OR7A17: variants seen among roughly 807,000 people sequenced by gnomAD.
OR7A17 encodes olfactory receptor 7A17.
For missense variants in OR7A17, 366 were observed against 365.5 expected, an observed-to-expected ratio of 1.00 and a Z score of -0.01; for synonymous variants, 159 against 142.1, an observed-to-expected ratio of 1.12 and a Z score of -0.85.
Position 14,881,483 on chromosome 19 carries a change from C to G in OR7A17, c.-128G>C. 1 of 548,342 alleles carries G rather than the reference C, an allele frequency of 1.8e-6. No individual in the cohort carries two copies. Among genetic ancestry groups the G allele is most frequent in the Non-Finnish European group, 2.7e-6 (1 of 367,242 alleles). The allele number at this position is 548,342 out of a possible 1,614,324, so 34.0% of individuals were successfully genotyped here. On this transcript the variant is annotated 5_prime_UTR_variant, in exon 3 of 3. Transcript: ENST00000641113. ...GACTCATGCGATCCTCCCACTTCAG[C>G]CTACAAAAGTGCTGAGATTATAGGC...
intron 2 of OR7A17, 60 bp from the exon 3 acceptor site, chr19:14,881,611 C>T (rs1486143638): frequency 1.0e-5 from 2 of 199,396 alleles, no homozygotes; most frequent in East Asian, 9.5e-5. Context: ...ATCAGAAATT[C>T]TCTCATTTAT....
intron 1 of OR7A17, among the ~76,000 whole-genome samples, chr19:14,885,321 G>C (rs1249464946): frequency 3.9e-5 from 6 of 152,188 alleles, no homozygotes; most frequent in African/African-American, 1.4e-4. Context: ...CAAATACAAA[G>C]AGAGGAAGTC....
Position 14,881,470 on chromosome 19 carries a change from C to A in OR7A17, c.-115G>T, listed in dbSNP as rs959703494. On this transcript the variant is annotated 5_prime_UTR_variant, in exon 3 of 3. Transcript: ENST00000641113. ...TCTGAACCTCCTGGACTCATGCGAT[C>A]CTCCCACTTCAGCCTACAAAAGTGC... 1 of 619,838 alleles carries A rather than the reference C, an allele frequency of 1.6e-6. No homozygotes were observed. 38.4% of individuals were successfully genotyped at this position (619,838 alleles called of 1,614,324 possible).
At chr19:14,884,939 G>A (rs573591595) in intron 1 of OR7A17, among the ~76,000 whole-genome samples, 2 of 152,116 alleles carry the variant, frequency 1.3e-5, no homozygotes, top group African/African-American at 4.8e-5. Flanking sequence ...TCATCAAGTC[G>A]GCTTCATCCC....
At chr19:14,885,649 C>G (rs768094070) in intron 1 of OR7A17, among the ~76,000 whole-genome samples, 9 of 152,244 alleles carry the variant, frequency 5.9e-5, no homozygotes, top group Non-Finnish European at 1.0e-4. Flanking sequence ...GAAAAACATT[C>G]CATGCTCATG....
chr19:14,882,337 G>A (rs1219728580), intron 1 of OR7A17, among the ~76,000 whole-genome samples: 5 of 152,186 alleles, frequency 3.3e-5, no homozygotes, highest in East Asian at 1.9e-4. Context: ...CTTTTAATAG[G>A]TGTACAGACA....
chr19:14,878,679 A>G lies in OR7A17; in HGVS notation c.*1747T>C, dbSNP rs1276501819. ...CAAATCTCCCAATGCAATTCAATGT[A>G]TGACTGATTTTTTTTTTTGAGATGG... On this transcript the variant is annotated 3_prime_UTR_variant, in exon 3 of 3. Coordinates refer to ENST00000641113, the MANE Select transcript of OR7A17 (RefSeq NM_030901.2). 2.0e-5 allele frequency: 3 copies of G among 151,628 alleles called. No individual in the cohort carries two copies. Among genetic ancestry groups the G allele is most frequent in the Non-Finnish European group, 4.4e-5 (3 of 68,070 alleles). The allele number at this position is 151,628 out of a possible 1,614,324, so 9.4% of individuals were successfully genotyped here. A position where few individuals can be genotyped will look rare whatever the true frequency, so the allele number is the denominator to read the frequency against.
intron 1 of OR7A17, among the ~76,000 whole-genome samples, chr19:14,885,504 GAGTGA>G (rs2045131888): frequency 6.6e-6 from 1 of 152,138 alleles, no homozygotes; most frequent in South Asian, 2.1e-4. Context: ...GCCAAATCAT[GAGTGA>G]ACTCCCATTC....
At position 14,886,016 on chromosome 19, in the gene OR7A17, G is replaced by A. The variant is rs184059950; in HGVS notation, c.-370C>T. The A allele has an allele frequency of 5.3e-5, 8 of 152,274 alleles. No homozygotes were observed. The East Asian group carries it at 1.5e-3, about 29-fold the overall frequency. The allele number at this position is 152,274 out of a possible 1,614,324, so 9.4% of individuals were successfully genotyped here. A position where few individuals can be genotyped will look rare whatever the true frequency, so the allele number is the denominator to read the frequency against. ...CTCTAGCAGGTTGATGGTGGAGATG[G>A]AATCTCTGTCTCAAGACAAGGCATC... On this transcript the variant is annotated 5_prime_UTR_variant, in exon 1 of 3. Transcript: ENST00000641113.
rs764291929 is a variant in OR7A17, at chr19:14,881,335, T to G, written c.21A>C (p.Thr7=). ...CCAGAAGAACAAATTCTGAAATCCC[T>G]GTGTCATTCTCTGGTTCCATCTTTT... MEPEND[T]GISEFVLLGL... Residue 7 remains threonine, a synonymous_variant, in exon 3 of 3, where the codon ACA becomes ACC. Transcript: ENST00000641113. The G allele has an allele frequency of 2.6e-6, 4 of 1,513,198 alleles. No individual in the cohort carries two copies. The East Asian group carries it at 9.3e-5, about 35-fold the overall frequency. 93.7% of individuals were successfully genotyped at this position (1,513,198 alleles called of 1,614,324 possible). A position where few individuals can be genotyped will look rare whatever the true frequency, so the allele number is the denominator to read the frequency against.
rs139042522 is a variant in OR7A17, at chr19:14,880,321, TAGA to T, written c.*102_*104del. On this transcript the variant is annotated 3_prime_UTR_variant, in exon 3 of 3. Coordinates refer to ENST00000641113, the MANE Select transcript of OR7A17 (RefSeq NM_030901.2). ...AAGAAATTGAAACTCTGAGAAAAAATAGAAGGAGCAAATTCCACTTTCACAACC... is the reference window on the plus strand; with the variant it reads ...AAGAAATTGAAACTCTGAGAAAAAATAGGAGCAAATTCCACTTTCACAACC... 140,617 of 933,996 alleles carry T rather than the reference TAGA, an allele frequency of 0.15. 11,479 individuals carry two copies. Among genetic ancestry groups the T allele is most frequent in the Non-Finnish European group, 0.17 (107,304 of 638,068 alleles). The allele number at this position is 933,996 out of a possible 1,614,324, so 57.9% of individuals were successfully genotyped here.
rs116310830 is a variant in OR7A17 at position 14,880,172 on chromosome 19, C to T, written c.*254G>A. The T allele has an allele frequency of 4.8e-3, 1,228 of 253,956 alleles. 19 individuals are homozygous for T. Among genetic ancestry groups the T allele is most frequent in the South Asian group, 0.024 (228 of 9,358 alleles). The allele number at this position is 253,956 out of a possible 1,614,324, so 15.7% of individuals were successfully genotyped here. A position where few individuals can be genotyped will look rare whatever the true frequency, so the allele number is the denominator to read the frequency against. The stretch of plus-strand genomic sequence containing the variant: ...AGGAATCTCCACCTTGTTTCTGACC[C>T]TAGTTTGGGAAAAACATTGGGAAAG... On this transcript the variant is annotated 3_prime_UTR_variant, in exon 3 of 3. Coordinates refer to ENST00000641113, the MANE Select transcript of OR7A17 (RefSeq NM_030901.2).
At position 14,881,219 on chromosome 19, in the gene OR7A17, A is replaced by G. The variant is rs10405129; in HGVS notation, c.137T>C (p.Ile46Thr). The G allele has an allele frequency of 0.31, 496,996 of 1,611,070 alleles. 80,326 individuals carry two copies. Among genetic ancestry groups the G allele is most frequent in the East Asian group, 0.58 (26,194 of 44,826 alleles). The change falls in exon 3 of 3, where the codon ATC becomes ACC. Residue 46 changes from isoleucine to threonine, a missense_variant. By Grantham distance (89) the Ile-to-Thr change is moderately conservative. Transcript: ENST00000641113. The part of the protein sequence containing the change: ...LVTVLGNLLI[I>T]LATISDSHLH... ...GTGGGAGTCTGAGATTGTGGCCAGG[A>G]TGATGAGCAGATTCCCGAGCACAGT...
intron 1 of OR7A17, 133 bp from the exon 2 acceptor site, chr19:14,882,004 CTA>C (rs2045114772): frequency 6.6e-6 from 1 of 152,116 alleles, no homozygotes; most frequent in East Asian, 1.9e-4. Flanking sequence ...AAGCTGTTTT[CTA>C]TGTTTTGTGT....
chr19:14,880,432 C>T lies in OR7A17; in HGVS notation c.924G>A (p.Lys308=). ...KRALKMSFRG[K]Q The stretch of plus-strand genomic sequence containing the variant: ...TTCTTGAAAAATGGCCCTTTTATTG[C>T]TTTCCTCTGAAGGACATTTTCAGAG... The change falls in exon 3 of 3, where the codon AAG becomes AAA. Residue 308 remains lysine (K), a synonymous_variant. Coordinates refer to ENST00000641113, the MANE Select transcript of OR7A17 (RefSeq NM_030901.2). 1.3e-6 allele frequency: 2 copies of T among 1,580,914 alleles called. No individual in the cohort carries two copies. Among genetic ancestry groups the T allele is most frequent in the Non-Finnish European group, 1.7e-6 (2 of 1,164,208 alleles).
rs1210531361 is a variant in OR7A17 at position 14,879,445 on chromosome 19, G to A, written c.*981C>T. 1 of 152,066 alleles carries A rather than the reference G, an allele frequency of 6.6e-6. No homozygotes were observed. The highest frequency in any genetic ancestry group is 2.4e-5 in the African/African-American group (1 of 41,386). 9.4% of individuals were successfully genotyped at this position (152,066 alleles called of 1,614,324 possible). A position where few individuals can be genotyped will look rare whatever the true frequency, so the allele number is the denominator to read the frequency against. ...CCCAGCTAATTTTGTATTTTTGGTA[G>A]AGACGGGGTTTCTCCCTGTTGGTCA... On this transcript the variant is annotated 3_prime_UTR_variant, in exon 3 of 3. Transcript: ENST00000641113.
intron 1 of OR7A17, among the ~76,000 whole-genome samples, chr19:14,882,658 C>T (rs1056977467): frequency 3.9e-5 from 6 of 152,236 alleles, no homozygotes; most frequent in African/African-American, 9.6e-5. Flanking sequence ...AATTTGCCTG[C>T]GAAGGCATCT....
chr19:14,881,347 T>C lies in OR7A17; in HGVS notation c.9A>G (p.Pro3=). The change falls in exon 3 of 3, where the codon CCA becomes CCG. Residue 3 remains proline (P), a synonymous_variant. Coordinates refer to ENST00000641113, the MANE Select transcript of OR7A17 (RefSeq NM_030901.2). ...ATTCTGAAATCCCTGTGTCATTCTC[T>C]GGTTCCATCTTTTTTTTTCTATTTA... The part of the protein sequence containing the change: ME[P]ENDTGISEFV... 1.4e-6 allele frequency: 2 copies of C among 1,407,384 alleles called. No homozygotes were observed. Among genetic ancestry groups the C allele is most frequent in the Non-Finnish European group, 1.9e-6 (2 of 1,075,750 alleles). The allele number at this position is 1,407,384 out of a possible 1,614,324, so 87.2% of individuals were successfully genotyped here. A position where few individuals can be genotyped will look rare whatever the true frequency, so the allele number is the denominator to read the frequency against.
intron 1 of OR7A17, chr19:14,884,773 A>T (rs554270101): frequency 6.6e-6 from 1 of 152,298 alleles, no homozygotes; most frequent in South Asian, 2.1e-4. Context: ...AGCTCAATTT[A>T]TGAGGCCAGC....
Sources: gnomAD v4.1 joint callset for allele counts (sites outside exome capture counted in the v4.1 genomes callset) on GRCh38, gnomAD v4.1.1 for gene constraint, MANE v1.5 for transcripts, NCBI Gene and HGNC (gene_info 2026-07-23, HGNC 2026-07-21) for gene names.